Variants in FAM117A observed in about 807,000 individuals in gnomAD.
FAM117A encodes protein FAM117A.
FAM117A carries 21 observed loss-of-function variants against 44.1 expected under a neutral mutation model. The ratio of observed to expected loss-of-function variants is 0.48; its 90% confidence interval spans 0.34 to 0.69. The LOEUF is 0.69. Among genes scored for constraint, FAM117A ranks in the 30% least tolerant of loss-of-function variants. FAM117A has a pLI of 0.01. For missense variants in FAM117A, 498 were observed against 589.9 expected (o/e 0.84, Z 1.61); for synonymous variants, 220 against 238.3 (o/e 0.92, Z 0.71).
At chr17:49,759,748 A>G (rs2143782420) in intron 1 of FAM117A, among the ~76,000 whole-genome samples, 1 of 152,328 alleles carries the variant, frequency 6.6e-6, no homozygotes, top group Non-Finnish European at 1.5e-5. Context: ...CAAAGAAAGG[A>G]GTTTAACAAT....
At chr17:49,724,836 A>AAAG (rs2073552562) in intron 2 of FAM117A, among the ~76,000 whole-genome samples, 1 of 151,274 alleles carries the variant, frequency 6.6e-6, no homozygotes. Flanking sequence ...AAAAAAAAAA[A>AAAG]AAAGAAAGAA....
chr17:49,768,517 A>C (rs1313691365), upstream of FAM117A, among the ~76,000 whole-genome samples: 2 of 152,192 alleles, frequency 1.3e-5, no homozygotes, highest in East Asian at 3.8e-4. Flanking sequence ...AAGTTCCAAA[A>C]TAATAAAACA....
At chr17:49,755,079 C>T (rs975386613) in intron 1 of FAM117A, among the ~76,000 whole-genome samples, 2 of 151,326 alleles carry the variant, frequency 1.3e-5, no homozygotes, top group African/African-American at 4.9e-5. Flanking sequence ...CACTAAGCCA[C>T]CAGACACATG....
chr17:49,770,564 T>G (rs996757773), intron 1 of FAM117A, among the ~76,000 whole-genome samples: 3 of 152,190 alleles, frequency 2.0e-5, no homozygotes. Flanking sequence ...AATGTTTCTA[T>G]GCTAGAATGT....
At chr17:49,773,999 C>T (rs2073769002) in intron 1 of FAM117A, among the ~76,000 whole-genome samples, 1 of 152,202 alleles carries the variant, frequency 6.6e-6, no homozygotes, top group Admixed American at 6.5e-5. Flanking sequence ...GGCAATCTGC[C>T]CGCCTTGGCC....
intron 1 of FAM117A, among the ~76,000 whole-genome samples, chr17:49,777,582 T>C (rs2073778708): frequency 6.8e-6 from 1 of 146,698 alleles, no homozygotes; most frequent in African/African-American, 2.5e-5. Context: ...TTTTGGAGGA[T>C]TTTTTTTTTT....
chr17:49,769,745 C>G (rs2073755581), intron 1 of FAM117A, among the ~76,000 whole-genome samples: 1 of 151,866 alleles, frequency 6.6e-6, no homozygotes, highest in South Asian at 2.1e-4. Context: ...AAATAAAACT[C>G]TAGAATATTG....
rs577764076 is a variant in FAM117A, at chr17:49,737,209, C to T, written c.197-4489G>A. On this transcript the variant is annotated intron_variant, in intron 1 of 7. Transcript: ENST00000240364. The stretch of plus-strand genomic sequence containing the variant: ...CAGGCACACTGGGTTCAAGGCACAA[C>T]TTTATCTCTACACCAGCATTTCAAA... 3.3e-5 allele frequency among the ~76,000 whole-genome samples: 5 copies of T among 152,234 alleles called. No homozygotes were observed. In the East Asian group the frequency reaches 9.7e-4, roughly 29 times the overall value.
At chr17:49,750,365 T>A (rs996655813) in intron 1 of FAM117A, among the ~76,000 whole-genome samples, 1 of 148,752 alleles carries the variant, frequency 6.7e-6, no homozygotes, top group African/African-American at 2.4e-5. Context: ...GAGGGGAGGA[T>A]CAAGATGAAG....
At chr17:49,758,816 C>T (rs574748983) in intron 1 of FAM117A, among the ~76,000 whole-genome samples, 2 of 152,176 alleles carry the variant, frequency 1.3e-5, no homozygotes, top group East Asian at 1.9e-4. Context: ...AGATGCCACA[C>T]CCAAAAGCCT....
At chr17:49,746,144 T>C (rs2073653571) in intron 1 of FAM117A, among the ~76,000 whole-genome samples, 1 of 152,376 alleles carries the variant, frequency 6.6e-6, no homozygotes, top group South Asian at 2.1e-4. Flanking sequence ...TATGTGCATA[T>C]GTGGGTATGT....
upstream of FAM117A, among the ~76,000 whole-genome samples, chr17:49,764,730 AT>A (rs1484795663): frequency 6.6e-6 from 1 of 152,286 alleles, no homozygotes; most frequent in African/African-American, 2.4e-5. Flanking sequence ...AGGTTTGCAT[AT>A]CATTTGCATG....
chr17:49,739,465 C>G lies in FAM117A; in HGVS notation c.197-6745G>C, dbSNP rs187178816. Among the ~76,000 whole-genome samples, 33 of 152,272 alleles carry G rather than the reference C, an allele frequency of 2.2e-4. 1 individual carries two copies. Among genetic ancestry groups the G allele is most frequent in the African/African-American group, 7.9e-4 (33 of 41,568 alleles). On this transcript the variant is annotated intron_variant, in intron 1 of 7. Transcript: ENST00000240364. ...AGGTCAACACTTAAGTTCTGCTGCC[C>G]AATGAGATTGACCTCAATAGAGAAC...
At chr17:49,758,725 G>T (rs1480467125) in intron 1 of FAM117A, among the ~76,000 whole-genome samples, 4 of 151,792 alleles carry the variant, frequency 2.6e-5, no homozygotes, top group Admixed American at 2.0e-4. Flanking sequence ...GTAAGCCCAG[G>T]CAGGTCTAGT....
intron 1 of FAM117A, among the ~76,000 whole-genome samples, chr17:49,785,166 TGG>T (rs1434627293): frequency 1.3e-5 from 2 of 152,150 alleles, no homozygotes; most frequent in South Asian, 2.1e-4. Flanking sequence ...CCTTGTGAGG[TGG>T]CTATTAATGT....
At chr17:49,712,298 G>A (rs1454068151) in intron 7 of FAM117A, among the ~76,000 whole-genome samples, 1 of 152,168 alleles carries the variant, frequency 6.6e-6, no homozygotes, top group Non-Finnish European at 1.5e-5. Flanking sequence ...TTTGTTGCGG[G>A]GTGGGGATGG....
intron 1 of FAM117A, among the ~76,000 whole-genome samples, chr17:49,739,248 A>C (rs1364119011): frequency 6.6e-6 from 1 of 152,166 alleles, no homozygotes; most frequent in African/African-American, 2.4e-5. Context: ...GTCCGGAAAG[A>C]GGAGACTACC....
At position 49,711,371 on chromosome 17, in the gene FAM117A, G is replaced by T. The variant is rs781370901; in HGVS notation, c.1246C>A (p.Pro416Thr). 3 of 1,611,326 alleles carry T rather than the reference G, an allele frequency of 1.9e-6. No individual in the cohort carries two copies. In the Admixed American group the frequency reaches 5.0e-5, roughly 27 times the overall value. ...GSPLPPASPRPPPRKDPEASK... is the reference protein window; with the variant it reads ...GSPLPPASPRTPPRKDPEASK... ...GCTTCCGGATCCTTCCGAGGTGGTG[G>T]CCTGGGGCTGGCCGGGGGAAGGGGA... The change falls in exon 8 of 8, where the codon CCA (proline) becomes ACA (threonine). Residue 416 changes from proline (P) to threonine (T), a missense_variant. Pro to Thr is a conservative substitution (Grantham distance 38, BLOSUM62 -1). This residue lies in a region of FAM117A where 224 missense variants were observed against 296.5 expected (regional missense o/e 0.76). Transcript: ENST00000240364.
At chr17:49,722,707 A>T (rs1286784990) in intron 2 of FAM117A, 113 bp from the exon 3 acceptor site, 1 of 798,096 alleles carries the variant, frequency 1.3e-6, no homozygotes, top group Non-Finnish European at 2.1e-6. Context: ...CTCTCTGCTC[A>T]TCAACCTCTG....
Sources: allele counts gnomAD v4.1 joint callset (sites outside exome capture counted in the v4.1 genomes callset), GRCh38; gene constraint gnomAD v4.1.1; regional missense constraint gnomAD v4.1.1; transcripts MANE v1.5; gene names NCBI Gene and HGNC (gene_info 2026-07-23, HGNC 2026-07-21).